Variants in PTPRG observed in about 807,000 individuals in gnomAD.
PTPRG encodes the protein receptor-type tyrosine-protein phosphatase gamma.
A neutral mutation model predicts 165.3 loss-of-function variants in PTPRG; 102 were observed. The ratio of observed to expected loss-of-function variants is 0.62; its 90% CI spans 0.53 to 0.73. The LOEUF (loss-of-function observed/expected upper bound fraction) is 0.73, where lower values mean the gene tolerates loss of function less well. PTPRG is among the 30% of genes least tolerant of loss of function. The pLI is 0.00. For synonymous variants in PTPRG, 675 were observed against 669.5 expected (o/e 1.01, Z -0.13); for missense variants, 1,866 against 1,861.4 (o/e 1.00, Z -0.05).
At chr3:61,615,267 T>A (rs13323753) in intron 1 of PTPRG, among the ~76,000 whole-genome samples, 18,161 of 152,266 alleles carry the variant, frequency 0.12, 1,878 homozygotes, top group African/African-American at 0.28. Flanking sequence ...ATCACGTGTC[T>A]GTTGTTAGTC....
intron 1 of PTPRG, among the ~76,000 whole-genome samples, chr3:61,632,874 G>T (rs1300739243): frequency 6.6e-6 from 1 of 151,882 alleles, no homozygotes; most frequent in Non-Finnish European, 1.5e-5. Flanking sequence ...ACCATGTTCT[G>T]CAAGATTCCA....
At chr3:62,001,664 G>A (rs1395230204) in intron 3 of PTPRG, among the ~76,000 whole-genome samples, 1 of 151,700 alleles carries the variant, frequency 6.6e-6, no homozygotes, top group African/African-American at 2.4e-5. Context: ...TATTTTAAGG[G>A]TCACACAATG....
intron 1 of PTPRG, among the ~76,000 whole-genome samples, chr3:61,639,817 G>T (rs995673382): frequency 2.0e-5 from 3 of 148,074 alleles, no homozygotes; most frequent in Admixed American, 6.8e-5. Flanking sequence ...TGTCTTTAGG[G>T]TTTTCTAGTT....
At chr3:62,259,982 A>C (rs1001126140) in intron 16 of PTPRG, among the ~76,000 whole-genome samples, 4 of 152,200 alleles carry the variant, frequency 2.6e-5, no homozygotes, top group Non-Finnish European at 5.9e-5. Context: ...TTTCTGAGGA[A>C]GGGAATAACA....
chr3:62,065,258 A>G (rs1040677906), intron 4 of PTPRG, among the ~76,000 whole-genome samples: 2 of 152,172 alleles, frequency 1.3e-5, no homozygotes, highest in Admixed American at 6.5e-5. Flanking sequence ...GCATGTTTAC[A>G]TATTTTTTTA....
chr3:62,099,781 T>G (rs1014803869), intron 5 of PTPRG, among the ~76,000 whole-genome samples: 3 of 150,134 alleles, frequency 2.0e-5, no homozygotes, highest in African/African-American at 4.9e-5. Flanking sequence ...TCATAGTACT[T>G]AAGTGTTAAA....
chr3:61,701,687 C>G (rs1170320809), intron 1 of PTPRG, among the ~76,000 whole-genome samples: 1 of 152,068 alleles, frequency 6.6e-6, no homozygotes, highest in African/African-American at 2.4e-5. Flanking sequence ...CCCTTGAGCC[C>G]AAGAGTTCAG....
intron 2 of PTPRG, among the ~76,000 whole-genome samples, chr3:61,813,355 A>G (rs1314841176): frequency 6.6e-6 from 1 of 150,444 alleles, no homozygotes; most frequent in Non-Finnish European, 1.5e-5. Context: ...AATAGAAAAA[A>G]AATAGAAAAA....
chr3:62,251,599 G>A (rs1263937190), intron 15 of PTPRG, among the ~76,000 whole-genome samples: 2 of 151,812 alleles, frequency 1.3e-5, no homozygotes, highest in South Asian at 2.1e-4. Context: ...TTGAGCAGCT[G>A]CACTCCAACC....
chr3:61,979,460 A>G (rs542770044), intron 2 of PTPRG, among the ~76,000 whole-genome samples: 45 of 152,340 alleles, frequency 3.0e-4, no homozygotes, highest in African/African-American at 7.7e-4. Flanking sequence ...GCCTTGCACT[A>G]GGAAGAGAAA....
At chr3:61,730,902 T>A (rs2032463870) in intron 1 of PTPRG, among the ~76,000 whole-genome samples, 1 of 152,258 alleles carries the variant, frequency 6.6e-6, no homozygotes, top group Admixed American at 6.5e-5. Flanking sequence ...ATTTCTAGGT[T>A]ACAACATTGA....
At chr3:61,867,807 T>C (rs2037452527) in intron 2 of PTPRG, among the ~76,000 whole-genome samples, 1 of 152,156 alleles carries the variant, frequency 6.6e-6, no homozygotes, top group Non-Finnish European at 1.5e-5. Context: ...CAAAATTGAG[T>C]TTGCAGAGAC....
chr3:61,662,838 A>T (rs1193220155), intron 1 of PTPRG, among the ~76,000 whole-genome samples: 1 of 152,200 alleles, frequency 6.6e-6, no homozygotes, highest in Non-Finnish European at 1.5e-5. Flanking sequence ...ACTAAGACTT[A>T]TTGATGGTGA....
At chr3:62,232,481 G>A (rs1421457675) in intron 14 of PTPRG, among the ~76,000 whole-genome samples, 1 of 152,196 alleles carries the variant, frequency 6.6e-6, no homozygotes, top group African/African-American at 2.4e-5. Flanking sequence ...AGAGGAAGAC[G>A]TTGGACATCA....
At chr3:61,734,051 C>T (rs566585983) in intron 1 of PTPRG, among the ~76,000 whole-genome samples, 181 of 152,242 alleles carry the variant, frequency 1.2e-3, no homozygotes, top group Non-Finnish European at 1.8e-3. Flanking sequence ...CAAAGTACTG[C>T]GATTACAGGC....
chr3:61,974,513 G>A (rs11130865), intron 2 of PTPRG, among the ~76,000 whole-genome samples: 65,757 of 151,530 alleles, frequency 0.43, 14,738 homozygotes, highest in African/African-American at 0.57. Context: ...AGATCATGCC[G>A]TTGCACTACA....
chr3:61,744,445 C>A (rs1365851470), intron 1 of PTPRG, among the ~76,000 whole-genome samples: 1 of 152,146 alleles, frequency 6.6e-6, no homozygotes, highest in East Asian at 1.9e-4. Context: ...AGGCTACAAA[C>A]CTGTACAATG....
At chr3:61,686,017 A>G (rs931021361) in intron 1 of PTPRG, among the ~76,000 whole-genome samples, 4 of 152,134 alleles carry the variant, frequency 2.6e-5, no homozygotes, top group Non-Finnish European at 5.9e-5. Context: ...GAACATTTGC[A>G]AAGCATCTGC....
intron 1 of PTPRG, among the ~76,000 whole-genome samples, chr3:61,594,551 C>T (rs1424608075): frequency 6.6e-6 from 1 of 152,112 alleles, no homozygotes; most frequent in Non-Finnish European, 1.5e-5. Flanking sequence ...TGCATACCAC[C>T]TCCTCCATCC....
Sources: gnomAD v4.1 joint callset for allele counts (sites outside exome capture counted in the v4.1 genomes callset) on GRCh38, gnomAD v4.1.1 for gene constraint, MANE v1.5 for transcripts, NCBI Gene and HGNC (gene_info 2026-07-23, HGNC 2026-07-21) for gene names.